PDE1C: variants seen among roughly 807,000 people sequenced by gnomAD.
The protein encoded by PDE1C is phosphodiesterase 1C, also known as dual specificity calcium/calmodulin-dependent 3',5'-cyclic nucleotide phosphodiesterase 1C.
PDE1C carries 62 observed loss-of-function variants against 93.1 expected under a neutral mutation model. The observed-to-expected ratio is 0.67, with a 90% confidence interval of 0.54 to 0.82. The LOEUF (loss-of-function observed/expected upper bound fraction) is 0.82, where lower values mean the gene tolerates loss of function less well. Ranked by LOEUF, PDE1C falls within the 40% of genes least tolerant of loss-of-function variation. PDE1C has a pLI of 0.00. For missense variants in PDE1C, 742 were observed against 884.6 expected, an observed-to-expected ratio of 0.84 and a Z score of 2.04; for synonymous variants, 325 against 310.1, an observed-to-expected ratio of 1.05 and a Z score of -0.50.
intron 3 of PDE1C, among the ~76,000 whole-genome samples, chr7:32,130,066 C>T (rs1281800307): frequency 6.6e-6 from 1 of 152,154 alleles, no homozygotes; most frequent in East Asian, 1.9e-4. Flanking sequence ...AAGCTAACTC[C>T]TTACTTTGAT....
chr7:31,789,593 T>C, intron 16 of PDE1C: 1 of 857,946 alleles, frequency 1.2e-6, no homozygotes, highest in Non-Finnish European at 1.4e-6. Flanking sequence ...CAAATAAAGA[T>C]TCCTATAGAA....
rs546436062 is a variant in PDE1C, at chr7:32,002,764, T to A, written c.128+48790A>T. On this transcript the variant is annotated intron_variant, in intron 2 of 17. Transcript: ENST00000396191. ...TATTAAAATCACTGGTGTACAGATC[T>A]GTCCCTCTTCCTTTGAACTGGGTAT... 2.6e-5 allele frequency among the ~76,000 whole-genome samples: 4 copies of A among 152,200 alleles called. No individual in the cohort carries two copies. In the South Asian group the frequency reaches 6.2e-4, roughly 24 times the overall value.
chr7:31,782,298 A>G (rs539408229), intron 16 of PDE1C, among the ~76,000 whole-genome samples: 23 of 152,314 alleles, frequency 1.5e-4, no homozygotes, highest in Middle Eastern at 6.8e-3. Flanking sequence ...TATGGCCTTA[A>G]CTGTGTAAAA....
intron 7 of PDE1C, among the ~76,000 whole-genome samples, chr7:31,855,739 TA>T (rs1562927595): frequency 9.9e-6 from 1 of 101,232 alleles, no homozygotes; most frequent in African/African-American, 3.7e-5. Flanking sequence ...AAATAAAAAA[TA>T]AATAATAAAT....
chr7:32,248,334 C>A (rs901645341), intron 1 of PDE1C, among the ~76,000 whole-genome samples: 1 of 152,052 alleles, frequency 6.6e-6, no homozygotes, highest in African/African-American at 2.4e-5. Context: ...AGAACGTGCA[C>A]CAAGAATGTG....
At chr7:32,290,145 G>A (rs1041793673) in intron 1 of PDE1C, among the ~76,000 whole-genome samples, 1 of 152,166 alleles carries the variant, frequency 6.6e-6, no homozygotes, top group Non-Finnish European at 1.5e-5. Flanking sequence ...CACAGGAAGT[G>A]CCAACCAGCT....
At chr7:31,651,859 C>G in the PDE1C span, 2 of 916,306 alleles carry the variant, frequency 2.2e-6, no homozygotes, top group Non-Finnish European at 3.4e-6. Context: ...AAAGGAAGAA[C>G]CTATATTATG....
intron 14 of PDE1C, 111 bp downstream of exon 14, chr7:31,822,962 C>T (rs1789163252): frequency 4.8e-6 from 4 of 834,758 alleles, no homozygotes; most frequent in Non-Finnish European, 7.4e-6. Flanking sequence ...TAATATTCGG[C>T]AATTTGAATC....
At chr7:32,111,848 C>T (rs1268421663) in intron 3 of PDE1C, among the ~76,000 whole-genome samples, 1 of 152,104 alleles carries the variant, frequency 6.6e-6, no homozygotes, top group Admixed American at 6.5e-5. Context: ...GTAAGAAATC[C>T]ACATCAGTTA....
chr7:31,637,346 C>T, the PDE1C span, among the ~76,000 whole-genome samples: 2 of 152,146 alleles, frequency 1.3e-5, no homozygotes, highest in Admixed American at 1.3e-4. Context: ...AGTTTACAGT[C>T]CCACCAACAG....
chr7:31,659,078 G>A, the PDE1C span, among the ~76,000 whole-genome samples: 1 of 151,996 alleles, frequency 6.6e-6, no homozygotes, highest in Non-Finnish European at 1.5e-5. Flanking sequence ...AAAGTATTTG[G>A]GGATATTTTA....
At chr7:32,298,015 T>A in intron 1 of PDE1C, among the ~76,000 whole-genome samples, 1 of 26,942 alleles carries the variant, frequency 3.7e-5, no homozygotes, top group African/African-American at 2.0e-4. Flanking sequence ...TCTCTCTCTC[T>A]CCCTCTCTCT....
At chr7:31,724,525 C>T in the PDE1C span, among the ~76,000 whole-genome samples, 10 of 152,178 alleles carry the variant, frequency 6.6e-5, no homozygotes, top group Admixed American at 3.9e-4. Flanking sequence ...TGCTGTCAAC[C>T]TTATGGGGGA....
intron 11 of PDE1C, among the ~76,000 whole-genome samples, chr7:31,828,819 C>T (rs972998649): frequency 6.6e-6 from 1 of 152,186 alleles, no homozygotes; most frequent in African/African-American, 2.4e-5. Flanking sequence ...ACTGATTCTT[C>T]TAGTGCTACC....
intron 1 of PDE1C, among the ~76,000 whole-genome samples, chr7:32,323,774 G>T (rs1162597455): frequency 6.6e-6 from 1 of 152,210 alleles, no homozygotes; most frequent in African/African-American, 2.4e-5. Context: ...GGATGAAGCA[G>T]AAAGTCCAGA....
At chr7:32,297,987 CTCTCTCTCTCCTCTCT>C (rs1812701761) in intron 1 of PDE1C, among the ~76,000 whole-genome samples, 2 of 42,282 alleles carry the variant, frequency 4.7e-5, no homozygotes, top group Non-Finnish European at 5.3e-5. Context: ...CTCTCTCTCT[CTCTCTCTCTCCTCTCT>C]CTCTCTCTCT....
chr7:32,179,449 C>T (rs990277920), intron 2 of PDE1C, among the ~76,000 whole-genome samples: 7 of 151,816 alleles, frequency 4.6e-5, no homozygotes, highest in Admixed American at 3.9e-4. Flanking sequence ...TTAGTAGAGA[C>T]GGCGTTTCAC....
chr7:31,746,030 A>AGAGAAGCCCTCTGTGAGAAGCCCTCTGT, the PDE1C span, among the ~76,000 whole-genome samples: 1 of 150,814 alleles, frequency 6.6e-6, no homozygotes, highest in Non-Finnish European at 1.5e-5. Context: ...TCAGTGACTG[A>AGAGAAGCCCTCTGTGAGAAGCCCTCTGT]GAGAAGCCCT....
chr7:31,642,200 G>A, the PDE1C span: 1 of 1,561,526 alleles, frequency 6.4e-7, no homozygotes, highest in Non-Finnish European at 8.7e-7. Context: ...AGAGCAAATA[G>A]CTGCCAGTCT....
Sources: gnomAD v4.1 joint callset for allele counts (sites outside exome capture counted in the v4.1 genomes callset) on GRCh38, gnomAD v4.1.1 for gene constraint, MANE v1.5 for transcripts, NCBI Gene and HGNC (gene_info 2026-07-23, HGNC 2026-07-21) for gene names.